PTCHD4: variants seen among roughly 807,000 people sequenced by gnomAD.
PTCHD4 encodes the protein patched domain containing 4.
Under a neutral mutation model 58.1 loss-of-function variants are expected in PTCHD4, and 33 were observed. The ratio of observed to expected loss-of-function variants is 0.57; its 90% CI spans 0.43 to 0.76. The LOEUF (loss-of-function observed/expected upper bound fraction) is 0.76. Ranked by LOEUF, PTCHD4 falls within the 30% of genes least tolerant of loss-of-function variation. The pLI, the probability that PTCHD4 is intolerant of heterozygous loss-of-function variation, is 0.00. For synonymous variants in PTCHD4, 478 were observed against 409.6 expected, an observed-to-expected ratio of 1.17 and a Z score of -2.02; for missense variants, 1,058 against 1,027.1, an observed-to-expected ratio of 1.03 and a Z score of -0.41.
chr6:47,882,547 C>T (rs1045731740), intron 4 of PTCHD4, among the ~76,000 whole-genome samples: 19 of 151,720 alleles, frequency 1.3e-4, no homozygotes, highest in African/African-American at 4.6e-4. Flanking sequence ...TTGCCTGCTC[C>T]AGTCAAGGTA....
At chr6:47,942,197 A>G (rs1305954951) in intron 4 of PTCHD4, among the ~76,000 whole-genome samples, 1 of 152,242 alleles carries the variant, frequency 6.6e-6, no homozygotes, top group African/African-American at 2.4e-5. Flanking sequence ...GATGTTCAAA[A>G]TAGCATTGCA....
At chr6:47,973,287 G>T (rs1377975645) in intron 4 of PTCHD4, among the ~76,000 whole-genome samples, 2 of 152,076 alleles carry the variant, frequency 1.3e-5, no homozygotes, top group Non-Finnish European at 2.9e-5. Context: ...CCAAAATTTG[G>T]TTCATACCTA....
intron 3 of PTCHD4, among the ~76,000 whole-genome samples, chr6:48,067,523 C>T (rs1487811800): frequency 3.3e-5 from 5 of 152,136 alleles, no homozygotes; most frequent in African/African-American, 1.2e-4. Flanking sequence ...AACACCCATA[C>T]ACATCATTCC....
chr6:48,035,111 T>C (rs1434278727), intron 3 of PTCHD4, among the ~76,000 whole-genome samples: 2 of 152,146 alleles, frequency 1.3e-5, no homozygotes, highest in Non-Finnish European at 2.9e-5. Context: ...TTTCCCCTTT[T>C]ATTATTTGTG....
At chr6:48,038,719 A>G (rs1334560960) in intron 3 of PTCHD4, among the ~76,000 whole-genome samples, 1 of 150,950 alleles carries the variant, frequency 6.6e-6, no homozygotes, top group African/African-American at 2.4e-5. Flanking sequence ...ATTGATGTTG[A>G]TTTAAGGCAT....
chr6:47,920,303 G>T (rs1277276311), intron 4 of PTCHD4, among the ~76,000 whole-genome samples: 1 of 152,086 alleles, frequency 6.6e-6, no homozygotes, highest in African/African-American at 2.4e-5. Context: ...AAATGTATAT[G>T]TATATACGAT....
chr6:48,002,953 C>A (rs1170976857), intron 4 of PTCHD4, among the ~76,000 whole-genome samples: 1 of 151,980 alleles, frequency 6.6e-6, no homozygotes, highest in Non-Finnish European at 1.5e-5. Flanking sequence ...GTTTCTTAGC[C>A]GCTTTTGGAA....
intron 3 of PTCHD4, among the ~76,000 whole-genome samples, chr6:48,022,620 C>T (rs754285201): frequency 4.6e-5 from 7 of 152,118 alleles, no homozygotes; most frequent in African/African-American, 7.2e-5. Context: ...GAGGGTGCAA[C>T]AGCTTACCTT....
At chr6:47,981,357 C>G (rs977452921) in intron 4 of PTCHD4, among the ~76,000 whole-genome samples, 5 of 151,900 alleles carry the variant, frequency 3.3e-5, no homozygotes, top group Non-Finnish European at 7.4e-5. Context: ...TCTAATAAAG[C>G]CTTTATTTTT....
intron 1 of PTCHD4, among the ~76,000 whole-genome samples, chr6:48,077,533 G>A (rs1272389228): frequency 1.3e-5 from 2 of 152,162 alleles, no homozygotes; most frequent in Non-Finnish European, 2.9e-5. Context: ...ACCTCTGCTA[G>A]CTTCAAGGTT....
At chr6:47,903,034 T>C (rs1477097727) in intron 4 of PTCHD4, among the ~76,000 whole-genome samples, 1 of 152,198 alleles carries the variant, frequency 6.6e-6, no homozygotes, top group Non-Finnish European at 1.5e-5. Flanking sequence ...CAAGTTGTCT[T>C]GGTTTTGTAA....
chr6:48,088,518 G>C (rs531509665), intron 1 of PTCHD4, among the ~76,000 whole-genome samples: 1 of 152,188 alleles, frequency 6.6e-6, no homozygotes, highest in South Asian at 2.1e-4. Flanking sequence ...CCTAAATTTG[G>C]ATGATTGTGT....
intron 1 of PTCHD4, among the ~76,000 whole-genome samples, chr6:48,089,805 GTCTCATC>G (rs1765330169): frequency 6.6e-6 from 1 of 152,124 alleles, no homozygotes; most frequent in Non-Finnish European, 1.5e-5. Flanking sequence ...TCCCATGTGT[GTCTCATC>G]TTATGCCTAC....
chr6:47,986,992 C>G (rs1254290815), intron 4 of PTCHD4, among the ~76,000 whole-genome samples: 2 of 151,582 alleles, frequency 1.3e-5, no homozygotes, highest in Non-Finnish European at 2.9e-5. Context: ...GTGGCAAAAC[C>G]TTTTTTTTGA....
At chr6:47,914,420 A>G (rs190402882) in intron 4 of PTCHD4, among the ~76,000 whole-genome samples, 12 of 152,192 alleles carry the variant, frequency 7.9e-5, no homozygotes, top group Admixed American at 7.2e-4. Flanking sequence ...GTGAGAGTAG[A>G]ACAAAAGGCA....
chr6:48,028,332 CTTTA>C (rs1206872368), intron 3 of PTCHD4, among the ~76,000 whole-genome samples: 61 of 151,846 alleles, frequency 4.0e-4, no homozygotes, highest in Admixed American at 1.2e-3. Context: ...AGTAATTTTG[CTTTA>C]AAGTAGAATG....
intron 3 of PTCHD4, among the ~76,000 whole-genome samples, chr6:48,010,272 A>T (rs999647676): frequency 3.9e-5 from 6 of 152,192 alleles, no homozygotes; most frequent in South Asian, 2.1e-4. Flanking sequence ...TCTAACAAGG[A>T]TATAAAGGGG....
intron 4 of PTCHD4, among the ~76,000 whole-genome samples, chr6:48,004,444 T>C (rs1768871386): frequency 6.6e-6 from 1 of 152,106 alleles, no homozygotes; most frequent in African/African-American, 2.4e-5. Flanking sequence ...GGCATCTGTG[T>C]GTAATATTAG....
chr6:47,981,276 C>T (rs1459651337), intron 4 of PTCHD4, among the ~76,000 whole-genome samples: 1 of 152,074 alleles, frequency 6.6e-6, no homozygotes, highest in Non-Finnish European at 1.5e-5. Context: ...TCAAGTCTCT[C>T]CTGCATGTTT....
Sources: allele counts gnomAD v4.1 joint callset (sites outside exome capture counted in the v4.1 genomes callset), GRCh38; gene constraint gnomAD v4.1.1; transcripts MANE v1.5; gene names NCBI Gene and HGNC (gene_info 2026-07-23, HGNC 2026-07-21).